The following ISL1 variants were observed in gnomAD, a reference collection of about 807,000 sequenced individuals.
The protein encoded by ISL1 is ISL LIM homeobox 1.
ISL1 carries 4 observed loss-of-function variants against 35.3 expected under a neutral mutation model. The observed-to-expected ratio is 0.11, with a 90% confidence interval of 0.06 to 0.26. ISL1 has a LOEUF of 0.26. ISL1 is among the 10% of genes least tolerant of loss of function. ISL1 has a pLI of 1.00. For missense variants in ISL1, 340 were observed against 472.8 expected (o/e 0.72, Z 2.60); for synonymous variants, 186 against 172.3 (o/e 1.08, Z -0.62).
At chr5:51,390,144 G>A (rs1747457243) in intron 4 of ISL1, among the ~76,000 whole-genome samples, 1 of 152,138 alleles carries the variant, frequency 6.6e-6, no homozygotes, top group African/African-American at 2.4e-5. Flanking sequence ...AAGCTGGGAG[G>A]CTCCGTGCGC....
At position 51,391,434 on chromosome 5, in the gene ISL1, A is replaced by T; in HGVS notation, c.926A>T (p.Gln309Leu). The T allele has an allele frequency of 6.2e-7, 1 of 1,614,148 alleles. No individual in the cohort carries two copies. Among genetic ancestry groups the T allele is most frequent in the Non-Finnish European group, 8.5e-7 (1 of 1,180,034 alleles). Residue 309 changes from glutamine to leucine, a missense_variant, in exon 5 of 6, where the codon CAG becomes CTG. Transcript: ENST00000230658. ...AGTGACATAGATCAGCCTGCTTTTC[A>T]GCAACTGGTAAGTGTCAGCTCCCAG... ...LQSDIDQPAFQQLVNFSEGGP... is the reference protein window; with the variant it reads ...LQSDIDQPAFLQLVNFSEGGP...
intron 2 of ISL1, chr5:51,386,672 G>T (rs1237322956): frequency 2.2e-6 from 1 of 452,942 alleles, no homozygotes; most frequent in Non-Finnish European, 4.4e-6. Flanking sequence ...GCGGGTCTTT[G>T]CATTTTTTTC....
Sources: allele counts gnomAD v4.1 joint callset (sites outside exome capture counted in the v4.1 genomes callset), GRCh38; gene constraint gnomAD v4.1.1; transcripts MANE v1.5; gene names NCBI Gene and HGNC (gene_info 2026-07-23, HGNC 2026-07-21).